Variants in FHOD3 observed in about 807,000 individuals in gnomAD.
FHOD3 encodes FH1/FH2 domain-containing protein 3.
Under a neutral mutation model 173.0 loss-of-function variants are expected in FHOD3, and 90 were observed. The observed-to-expected ratio is 0.52, with a 90% CI of 0.44 to 0.62. The LOEUF (loss-of-function observed/expected upper bound fraction) is 0.62, where lower values mean the gene tolerates loss of function less well. Ranked by LOEUF, FHOD3 falls within the 20% of genes least tolerant of loss-of-function variation. The probability of loss-of-function intolerance (pLI) is 0.00; values close to 1 mark genes in which losing one functional copy is unlikely to be tolerated. For synonymous variants in FHOD3, 828 were observed against 823.0 expected (o/e 1.01, Z -0.10); for missense variants, 1,945 against 2,034.7 (o/e 0.96, Z 0.85).
chr18:36,478,336 G>A (rs148235124), intron 3 of FHOD3, among the ~76,000 whole-genome samples: 83 of 152,216 alleles, frequency 5.5e-4, no homozygotes, highest in Non-Finnish European at 3.1e-4. Flanking sequence ...ATATACATGC[G>A]ATATTTTGAT....
intron 3 of FHOD3, among the ~76,000 whole-genome samples, chr18:36,451,579 C>G (rs2051848699): frequency 6.6e-6 from 1 of 152,222 alleles, no homozygotes; most frequent in African/African-American, 2.4e-5. Flanking sequence ...CTCAGCCAGT[C>G]TGGTGATTCC....
intron 2 of FHOD3, among the ~76,000 whole-genome samples, chr18:36,371,466 C>T (rs2047183690): frequency 6.6e-6 from 1 of 152,140 alleles, no homozygotes; most frequent in East Asian, 1.9e-4. Flanking sequence ...ATCAAACCAT[C>T]AGATCTCATG....
At position 36,345,330 on chromosome 18, in the gene FHOD3, T is replaced by C. The variant is rs191811159; in HGVS notation, c.166-10209T>C. Among the ~76,000 whole-genome samples the C allele has an allele frequency of 7.5e-3, 1,143 of 152,232 alleles. 4 individuals carry two copies. The highest frequency in any genetic ancestry group is 0.013 in the Non-Finnish European group (906 of 68,004). On this transcript the variant is annotated intron_variant, in intron 1 of 28. Coordinates refer to ENST00000590592, the MANE Select transcript of FHOD3 (RefSeq NM_001281740.3). ...AATAATTTTTGGATCAAAGAAGAAA[T>C]CCCAGTGAAATTTAGAAATTATTTT...
intron 27 of FHOD3, among the ~76,000 whole-genome samples, chr18:36,762,624 C>G (rs530663003): frequency 2.6e-5 from 4 of 152,010 alleles, no homozygotes; most frequent in Non-Finnish European, 4.4e-5. Flanking sequence ...GGGTGAAACC[C>G]TGTCTCTACT....
chr18:36,709,309 C>T lies in FHOD3; in HGVS notation c.2451C>T (p.Cys817=), dbSNP rs779427815. ...QNEGVNERDN[C]SASSVSSSSS... ...AGGGGGTGAACGAGAGGGACAACTGCTCTGCCTCCAGCGTCTCGTCCTCCA... is the reference window on the plus strand; with the variant it reads ...AGGGGGTGAACGAGAGGGACAACTGTTCTGCCTCCAGCGTCTCGTCCTCCA... Residue 817 remains cysteine, a synonymous_variant, in exon 18 of 29, where the codon TGC becomes TGT. Transcript: ENST00000590592. The T allele has an allele frequency of 1.2e-6, 2 of 1,614,254 alleles. No homozygotes were observed. The highest frequency in any genetic ancestry group is 8.5e-7 in the Non-Finnish European group (1 of 1,180,048).
intron 1 of FHOD3, among the ~76,000 whole-genome samples, chr18:36,349,307 C>A (rs796694919): frequency 3.9e-5 from 6 of 152,322 alleles, no homozygotes; most frequent in African/African-American, 1.4e-4. Flanking sequence ...ACACGTGACA[C>A]TGTCCATTGG....
intron 3 of FHOD3, among the ~76,000 whole-genome samples, chr18:36,417,504 A>G (rs759811215): frequency 3.3e-5 from 5 of 152,100 alleles, no homozygotes; most frequent in Non-Finnish European, 7.3e-5. Flanking sequence ...TGTCTTTGCT[A>G]TTGTGAATAG....
intron 2 of FHOD3, among the ~76,000 whole-genome samples, chr18:36,363,541 G>GA (rs1168826683): frequency 2.0e-5 from 3 of 152,168 alleles, no homozygotes; most frequent in Non-Finnish European, 4.4e-5. Context: ...AAACCAGTCT[G>GA]AAAAAGCTAC....
intron 5 of FHOD3, among the ~76,000 whole-genome samples, chr18:36,540,831 T>C (rs2057179949): frequency 6.6e-6 from 1 of 152,234 alleles, no homozygotes; most frequent in Admixed American, 6.5e-5. Flanking sequence ...ATCCCATTCA[T>C]ACTTACATTA....
At chr18:36,489,679 A>C (rs1258491178) in intron 3 of FHOD3, among the ~76,000 whole-genome samples, 3 of 152,212 alleles carry the variant, frequency 2.0e-5, no homozygotes. Context: ...CTCAAAAAAT[A>C]AATAATGTTA....
chr18:36,755,397 CT>C (rs200164880), intron 25 of FHOD3, 86 bp downstream of exon 25: 4,203 of 211,580 alleles, frequency 0.02, 14 homozygotes, highest in Non-Finnish European at 0.023. Context: ...AAAAGCTGTG[CT>C]TTTTTTTTTT....
chr18:36,521,594 A>G (rs2056276903), intron 5 of FHOD3, among the ~76,000 whole-genome samples: 1 of 152,040 alleles, frequency 6.6e-6, no homozygotes, highest in South Asian at 2.1e-4. Context: ...GTCTATACCC[A>G]GTTTTTGAGT....
chr18:36,760,659 C>G lies in FHOD3; in HGVS notation c.4501C>G (p.Leu1501Val), dbSNP rs1349125176. The change falls in exon 27 of 29, where the codon CTG becomes GTG. Residue 1501 changes from leucine (L) to valine (V), a missense_variant. Leu to Val is a conservative substitution (Grantham distance 32). Transcript: ENST00000590592. ...GGCGCCCCCAAGCCAGCCGCAGGGT[C>G]TGAGCTATGCGGAGGACGCGGCTGA... The part of the protein sequence containing the change: ...SPAPPSQPQG[L>V]SYAEDAAEHE... The G allele has an allele frequency of 6.2e-6, 10 of 1,612,272 alleles. No homozygotes were observed. Among genetic ancestry groups the G allele is most frequent in the Non-Finnish European group, 8.5e-6 (10 of 1,179,590 alleles).
chr18:36,506,981 A>G (rs1308189165), intron 4 of FHOD3, among the ~76,000 whole-genome samples: 1 of 152,236 alleles, frequency 6.6e-6, no homozygotes, highest in Non-Finnish European at 1.5e-5. Context: ...TAGCCTTTTA[A>G]TCAAAACACA....
chr18:36,777,984 T>G (rs940067676), intron 28 of FHOD3: 7 of 152,354 alleles, frequency 4.6e-5, no homozygotes, highest in Admixed American at 3.9e-4. Flanking sequence ...GAGCACACAA[T>G]GGGTTCTCAA....
chr18:36,515,556 A>G (rs1885430205), intron 5 of FHOD3, among the ~76,000 whole-genome samples: 1 of 152,196 alleles, frequency 6.6e-6, no homozygotes, highest in Non-Finnish European at 1.5e-5. Context: ...TGAATCAGAA[A>G]GGTGCCAGAG....
intron 20 of FHOD3, among the ~76,000 whole-genome samples, chr18:36,731,473 G>T (rs987314695): frequency 3.3e-5 from 5 of 152,136 alleles, no homozygotes; most frequent in Non-Finnish European, 7.3e-5. Flanking sequence ...GAGCAGAGCC[G>T]ATGTGTCCCA....
intron 16 of FHOD3, among the ~76,000 whole-genome samples, chr18:36,689,905 C>T (rs1452898529): frequency 6.6e-6 from 1 of 152,134 alleles, no homozygotes; most frequent in African/African-American, 2.4e-5. Context: ...GGACTGAGAA[C>T]AGGGCAGAAG....
rs58387351 is a variant in FHOD3, at chr18:36,753,513, T to C, written c.4233-1606T>C. On this transcript the variant is annotated intron_variant, in intron 24 of 28. Coordinates refer to ENST00000590592, the MANE Select transcript of FHOD3 (RefSeq NM_001281740.3). ...ACTTTCAGCTATTGTGAATAATGCT[T>C]CTATGAACTTTTGTGTAGAAGGTTT... Among the ~76,000 whole-genome samples, 415 of 152,402 alleles carry C rather than the reference T, an allele frequency of 2.7e-3. 6 individuals are homozygous for C. The highest frequency in any genetic ancestry group is 0.02 in the Admixed American group (311 of 15,314).
Sources: gnomAD v4.1 joint callset for allele counts (sites outside exome capture counted in the v4.1 genomes callset) on GRCh38, gnomAD v4.1.1 for gene constraint, MANE v1.5 for transcripts, NCBI Gene and HGNC (gene_info 2026-07-23, HGNC 2026-07-21) for gene names.